Variants in RANBP17 observed in about 807,000 individuals in gnomAD.
RANBP17 encodes the protein RAN binding protein 17.
In RANBP17, 158 loss-of-function variants were observed where a neutral mutation model predicts 141.2. The ratio of observed to expected loss-of-function variants is 1.12; its 90% CI spans 0.98 to 1.28. The LOEUF (loss-of-function observed/expected upper bound fraction) is 1.28, where lower values mean the gene tolerates loss of function less well. RANBP17 is among the 50% of genes most tolerant of loss of function. The pLI, the probability that RANBP17 is intolerant of heterozygous loss-of-function variation, is 0.00. For missense variants in RANBP17, 1,438 were observed against 1,290.7 expected (o/e 1.11, Z -1.75); for synonymous variants, 430 against 450.0 (o/e 0.96, Z 0.56).
At chr5:171,181,533 C>T (rs1306556272) in intron 16 of RANBP17, among the ~76,000 whole-genome samples, 1 of 151,966 alleles carries the variant, frequency 6.6e-6, no homozygotes, top group Non-Finnish European at 1.5e-5. Flanking sequence ...GATGTAGTCC[C>T]TGCCCTTAGA....
intron 12 of RANBP17, among the ~76,000 whole-genome samples, chr5:170,942,061 G>A (rs1483712107): frequency 2.6e-5 from 4 of 152,078 alleles, no homozygotes; most frequent in South Asian, 4.1e-4. Flanking sequence ...GATCAGCAGC[G>A]GCATTAGATT....
chr5:170,866,359 G>A (rs1767259487), intron 1 of RANBP17, among the ~76,000 whole-genome samples: 1 of 152,160 alleles, frequency 6.6e-6, no homozygotes, highest in East Asian at 1.9e-4. Context: ...CTCTGGTCTA[G>A]AAATCTGAAA....
At chr5:171,069,425 G>C (rs1317027522) in intron 14 of RANBP17, among the ~76,000 whole-genome samples, 3 of 152,256 alleles carry the variant, frequency 2.0e-5, no homozygotes, top group East Asian at 1.9e-4. Context: ...AGAGTCTAGA[G>C]TTCTGAAATC....
intron 14 of RANBP17, among the ~76,000 whole-genome samples, chr5:171,031,162 T>A (rs903814306): frequency 1.3e-5 from 2 of 152,122 alleles, no homozygotes; most frequent in African/African-American, 2.4e-5. Context: ...ACACAAAGAT[T>A]TACAGGCTTT....
intron 13 of RANBP17, among the ~76,000 whole-genome samples, chr5:170,956,276 T>C (rs1180258356): frequency 6.6e-6 from 1 of 152,080 alleles, no homozygotes; most frequent in African/African-American, 2.4e-5. Context: ...AAAATTGTTA[T>C]ACCTACTTGT....
At chr5:170,942,267 G>A (rs541742857) in intron 12 of RANBP17, among the ~76,000 whole-genome samples, 1 of 152,152 alleles carries the variant, frequency 6.6e-6, no homozygotes, top group South Asian at 2.1e-4. Flanking sequence ...GCACCAAAAA[G>A]GTAGGGGACT....
At chr5:170,891,962 A>T (rs553001945) in intron 3 of RANBP17, among the ~76,000 whole-genome samples, 44 of 152,312 alleles carry the variant, frequency 2.9e-4, no homozygotes, top group African/African-American at 1.0e-3. Context: ...TATCAAATGC[A>T]TTGGAACAAA....
At chr5:171,059,140 T>C (rs1783624064) in intron 14 of RANBP17, among the ~76,000 whole-genome samples, 2 of 152,098 alleles carry the variant, frequency 1.3e-5, no homozygotes, top group African/African-American at 2.4e-5. Context: ...GGTAGTTTCT[T>C]TCACTGTGCA....
intron 14 of RANBP17, among the ~76,000 whole-genome samples, chr5:171,057,773 G>A (rs1783503963): frequency 6.6e-6 from 1 of 152,114 alleles, no homozygotes; most frequent in African/African-American, 2.4e-5. Flanking sequence ...GATGGAGGGA[G>A]TGCAAGCAGG....
intron 14 of RANBP17, among the ~76,000 whole-genome samples, chr5:171,135,729 A>G (rs749252912): frequency 3.2e-4 from 48 of 152,160 alleles, no homozygotes; most frequent in Non-Finnish European, 6.5e-4. Context: ...TTTACTGGTC[A>G]GTTCTATAGA....
At chr5:171,058,999 T>C (rs1561603248) in intron 14 of RANBP17, among the ~76,000 whole-genome samples, 1 of 152,024 alleles carries the variant, frequency 6.6e-6, no homozygotes, top group African/African-American at 2.4e-5. Flanking sequence ...ACCCACTTTT[T>C]GATGGAGTTG....
intron 14 of RANBP17, among the ~76,000 whole-genome samples, chr5:171,168,802 C>T (rs974504620): frequency 1.3e-5 from 2 of 152,106 alleles, no homozygotes; most frequent in African/African-American, 4.8e-5. Flanking sequence ...GTAGGTAAGG[C>T]AGCAGGAATT....
chr5:170,943,203 C>T (rs886460159), intron 12 of RANBP17, among the ~76,000 whole-genome samples: 1 of 151,994 alleles, frequency 6.6e-6, no homozygotes, highest in Non-Finnish European at 1.5e-5. Context: ...AGTTTTTTTG[C>T]GTGTGTGAAC....
intron 14 of RANBP17, among the ~76,000 whole-genome samples, chr5:171,107,899 C>T (rs557718875): frequency 6.6e-6 from 1 of 152,290 alleles, no homozygotes; most frequent in South Asian, 2.1e-4. Context: ...CCACTATGCT[C>T]CTATAATACA....
chr5:171,171,527 GTTATAT>G (rs1406148774), intron 16 of RANBP17, among the ~76,000 whole-genome samples: 2 of 151,954 alleles, frequency 1.3e-5, no homozygotes, highest in Non-Finnish European at 2.9e-5. Flanking sequence ...AGTAGTTACA[GTTATAT>G]TTATACTCAC....
intron 14 of RANBP17, among the ~76,000 whole-genome samples, chr5:171,089,711 G>T (rs538191653): frequency 1.3e-5 from 2 of 152,300 alleles, no homozygotes; most frequent in Admixed American, 1.3e-4. Flanking sequence ...GGGTGGGAGT[G>T]ACCCGATTTT....
At chr5:171,291,765 C>T (rs1561834363) in intron 25 of RANBP17, among the ~76,000 whole-genome samples, 1 of 152,082 alleles carries the variant, frequency 6.6e-6, no homozygotes, top group Non-Finnish European at 1.5e-5. Context: ...GTTGCCATGT[C>T]AGTACCATTT....
intron 14 of RANBP17, among the ~76,000 whole-genome samples, chr5:171,061,670 C>T (rs1581528273): frequency 6.6e-6 from 1 of 152,148 alleles, no homozygotes; most frequent in Admixed American, 6.5e-5. Context: ...CTGTAGGTGT[C>T]TATTAGGTCC....
chr5:170,991,842 T>C (rs543852931), intron 14 of RANBP17, among the ~76,000 whole-genome samples: 5 of 152,144 alleles, frequency 3.3e-5, no homozygotes, highest in African/African-American at 1.2e-4. Context: ...TTTACCACTA[T>C]TTAAATTTAA....
Sources: allele counts gnomAD v4.1 joint callset (sites outside exome capture counted in the v4.1 genomes callset), GRCh38; gene constraint gnomAD v4.1.1; transcripts MANE v1.5; gene names NCBI Gene and HGNC (gene_info 2026-07-23, HGNC 2026-07-21).